The following NAALADL2 variants were observed in gnomAD, a reference collection of about 807,000 sequenced individuals.
NAALADL2 encodes inactive N-acetylated-alpha-linked acidic dipeptidase-like protein 2.
A neutral mutation model predicts 87.2 loss-of-function variants in NAALADL2; 76 were observed. The observed-to-expected ratio is 0.87, with a 90% CI of 0.72 to 1.05. The LOEUF is 1.05. Ranked by LOEUF, NAALADL2 falls within the 50% of genes least tolerant of loss-of-function variation. The probability of loss-of-function intolerance (pLI) is 0.00; values close to 1 mark genes in which losing one functional copy is unlikely to be tolerated. For missense variants in NAALADL2, 1,089 were observed against 945.8 expected, an observed-to-expected ratio of 1.15 and a Z score of -1.99; for synonymous variants, 354 against 331.0, an observed-to-expected ratio of 1.07 and a Z score of -0.75.
At chr3:175,567,748 C>A in intron 9 of NAALADL2, among the ~76,000 whole-genome samples, 1 of 145,038 alleles carries the variant, frequency 6.9e-6, no homozygotes, top group East Asian at 2.0e-4. Context: ...GAGAGTCTTA[C>A]TCTGTCACCC....
intron 1 of NAALADL2, among the ~76,000 whole-genome samples, chr3:175,004,376 C>CAAAAAAAAAAAA (rs538715061): frequency 3.0e-5 from 1 of 33,852 alleles, no homozygotes; most frequent in Non-Finnish European, 9.5e-5. Context: ...GAGACTATTT[C>CAAAAAAAAAAAA]AAAAAAAAAA....
chr3:175,340,769 CT>C (rs1762487021), intron 5 of NAALADL2, among the ~76,000 whole-genome samples: 1 of 152,156 alleles, frequency 6.6e-6, no homozygotes, highest in South Asian at 2.1e-4. Flanking sequence ...GAATGACTTC[CT>C]TTGTTTGATC....
chr3:175,257,232 C>T (rs948314257), intron 4 of NAALADL2: 1 of 149,278 alleles, frequency 6.7e-6, no homozygotes, highest in Non-Finnish European at 1.5e-5. Flanking sequence ...GTTATGTCAG[C>T]AAAACTCTCT....
chr3:174,445,224 T>C (rs1165229701), intron 1 of NAALADL2, among the ~76,000 whole-genome samples: 6 of 152,106 alleles, frequency 3.9e-5, no homozygotes, highest in Admixed American at 3.9e-4. Flanking sequence ...TGAAGAGTAC[T>C]GAATGCTTTT....
intron 3 of NAALADL2, among the ~76,000 whole-genome samples, chr3:174,826,918 CAA>C (rs1272262707): frequency 6.6e-6 from 1 of 152,134 alleles, no homozygotes; most frequent in East Asian, 1.9e-4. Flanking sequence ...TTATAAATAA[CAA>C]AAGCAATTCC....
At chr3:175,661,355 T>A (rs1454222464) in intron 11 of NAALADL2, among the ~76,000 whole-genome samples, 1 of 149,966 alleles carries the variant, frequency 6.7e-6, no homozygotes, top group African/African-American at 2.4e-5. Flanking sequence ...AAATCAGACT[T>A]TTTTTTTTTC....
At position 175,642,384 on chromosome 3, in the gene NAALADL2, C is replaced by T. The variant is rs546877626; in HGVS notation, c.1896+14998C>T. Among the ~76,000 whole-genome samples the T allele has an allele frequency of 6.5e-4, 99 of 152,158 alleles. 1 individual carries two copies. The highest frequency in any genetic ancestry group is 3.9e-4 in the East Asian group (2 of 5,178). ...AAGATGTTCATGCAAGAAGAAATAACGGAGATTGACCACCAGGCTGAACCT... is the reference window on the plus strand; with the variant it reads ...AAGATGTTCATGCAAGAAGAAATAATGGAGATTGACCACCAGGCTGAACCT... On this transcript the variant is annotated intron_variant, in intron 11 of 13. Coordinates refer to ENST00000454872, the MANE Select transcript of NAALADL2 (RefSeq NM_207015.3).
intron 1 of NAALADL2, among the ~76,000 whole-genome samples, chr3:174,526,690 T>C (rs959574386): frequency 8.6e-5 from 13 of 151,506 alleles, no homozygotes; most frequent in Non-Finnish European, 1.3e-4. Context: ...TTTTTTTTTT[T>C]TTTGAGATGG....
chr3:174,913,963 G>A (rs537195469), intron 1 of NAALADL2, among the ~76,000 whole-genome samples: 4 of 152,028 alleles, frequency 2.6e-5, no homozygotes, highest in African/African-American at 9.6e-5. Context: ...TCTAGAATTA[G>A]TTTTAAATAT....
intron 9 of NAALADL2, among the ~76,000 whole-genome samples, chr3:175,481,670 A>G (rs1726487817): frequency 6.6e-6 from 1 of 151,940 alleles, no homozygotes; most frequent in African/African-American, 2.4e-5. Context: ...AGCTTTATTC[A>G]TAATAGCCCA....
chr3:175,594,195 T>G (rs1352815735), intron 10 of NAALADL2, among the ~76,000 whole-genome samples: 1 of 152,120 alleles, frequency 6.6e-6, no homozygotes, highest in Non-Finnish European at 1.5e-5. Context: ...TTCCCATGTT[T>G]ATATTCATGT....
chr3:175,608,449 T>C (rs1343209825), intron 10 of NAALADL2, among the ~76,000 whole-genome samples: 2 of 151,920 alleles, frequency 1.3e-5, no homozygotes, highest in Non-Finnish European at 2.9e-5. Flanking sequence ...GCTTTATTTA[T>C]TGAACAGGAA....
rs1048804416 is a variant in NAALADL2, at chr3:174,693,225, A to G, written c.-114-44416A>G. On this transcript the variant is annotated intron_variant, in intron 2 of 3. Transcript: ENST00000434257. ...CATTTAGAACTGAATGCTAAAGTCC[A>G]TGCAGCTTGAGTGTATGAAAACCTG... Among the ~76,000 whole-genome samples the G allele has an allele frequency of 3.3e-5, 5 of 152,084 alleles. No individual in the cohort carries two copies. The East Asian group carries it at 5.8e-4, about 18-fold the overall frequency.
chr3:175,126,234 C>T (rs984685182), intron 2 of NAALADL2, among the ~76,000 whole-genome samples: 1 of 151,956 alleles, frequency 6.6e-6, no homozygotes. Flanking sequence ...ATAGGAAGAA[C>T]AGATAAAAGA....
intron 1 of NAALADL2, among the ~76,000 whole-genome samples, chr3:174,896,323 A>T (rs1277009793): frequency 6.6e-6 from 1 of 152,100 alleles, no homozygotes; most frequent in Non-Finnish European, 1.5e-5. Flanking sequence ...GATAAAAAAA[A>T]TTCATTCAAG....
intron 2 of NAALADL2, among the ~76,000 whole-genome samples, chr3:175,183,378 A>C (rs932705892): frequency 4.6e-5 from 7 of 151,992 alleles, no homozygotes; most frequent in Non-Finnish European, 1.0e-4. Flanking sequence ...ACTCTAGTGA[A>C]TAGATGTGGT....
chr3:174,720,624 T>A lies in NAALADL2; in HGVS notation c.-114-17017T>A, dbSNP rs188467448. Among the ~76,000 whole-genome samples the A allele has an allele frequency of 1.3e-4, 20 of 152,270 alleles. 1 individual carries two copies. The highest frequency in any genetic ancestry group is 3.6e-4 in the African/African-American group (15 of 41,554). Reference sequence around the variant, plus strand: ...AAGATTTGGGAACTCAACCATGAGATGTTTATTTATCAGCAATGTGTAAAT... The same window carrying A: ...AAGATTTGGGAACTCAACCATGAGAAGTTTATTTATCAGCAATGTGTAAAT... On this transcript the variant is annotated intron_variant, in intron 2 of 3. Coordinates refer to the NAALADL2 transcript ENST00000434257.
chr3:175,129,618 C>T (rs1033518117), intron 2 of NAALADL2, among the ~76,000 whole-genome samples: 1 of 152,146 alleles, frequency 6.6e-6, no homozygotes, highest in Non-Finnish European at 1.5e-5. Context: ...TATGTTATTA[C>T]AAATGGCAGG....
intron 1 of NAALADL2, among the ~76,000 whole-genome samples, chr3:174,450,192 G>A (rs574897200): frequency 6.6e-6 from 1 of 152,262 alleles, no homozygotes; most frequent in Non-Finnish European, 1.5e-5. Context: ...CCAAGCGTTT[G>A]GTCTAGGTCC....
Sources: gnomAD v4.1 joint callset for allele counts (sites outside exome capture counted in the v4.1 genomes callset) on GRCh38, gnomAD v4.1.1 for gene constraint, MANE v1.5 for transcripts, NCBI Gene and HGNC (gene_info 2026-07-23, HGNC 2026-07-21) for gene names.